Variants in CCNYL1 observed in about 807,000 individuals in gnomAD.
CCNYL1 encodes cyclin-Y-like protein 1.
In CCNYL1, 16 loss-of-function variants were observed where a neutral mutation model predicts 44.2. The ratio of observed to expected loss-of-function variants is 0.36; its 90% CI spans 0.25 to 0.55. The LOEUF is 0.55. Ranked by LOEUF, CCNYL1 falls within the 20% of genes least tolerant of loss-of-function variation. The pLI, the probability that CCNYL1 is intolerant of heterozygous loss-of-function variation, is 0.85. For missense variants in CCNYL1, 348 were observed against 451.8 expected (o/e 0.77, Z 2.08); for synonymous variants, 159 against 163.2 (o/e 0.97, Z 0.20).
At chr2:207,739,881 T>C (rs1362087330) in intron 5 of CCNYL1, among the ~76,000 whole-genome samples, 2 of 152,262 alleles carry the variant, frequency 1.3e-5, no homozygotes, top group African/African-American at 4.8e-5. Flanking sequence ...TGCCCACTTT[T>C]GCTGTTATAC....
chr2:207,715,379 C>CTTTTTTTTTTTTTTTTTTTT (rs770646092), intron 1 of CCNYL1, among the ~76,000 whole-genome samples: 2 of 100,750 alleles, frequency 2.0e-5, no homozygotes, highest in Non-Finnish European at 3.7e-5. Flanking sequence ...CAAGCTATTT[C>CTTTTTTTTTTTTTTTTTTTT]TTTTTTTTTT....
chr2:207,737,735 G>A (rs758503833), intron 5 of CCNYL1, among the ~76,000 whole-genome samples: 2 of 151,950 alleles, frequency 1.3e-5, no homozygotes, highest in African/African-American at 2.4e-5. Flanking sequence ...TCTCAACGTT[G>A]GCACTGTTGA....
chr2:207,718,088 T>C (rs4372887), intron 1 of CCNYL1, among the ~76,000 whole-genome samples: 23,529 of 151,686 alleles, frequency 0.16, 3,025 homozygotes, highest in East Asian at 0.39. Context: ...GTATTTTTAA[T>C]AGAGATGGGG....
chr2:207,715,073 G>A (rs1023443821), intron 1 of CCNYL1, among the ~76,000 whole-genome samples: 2 of 152,056 alleles, frequency 1.3e-5, no homozygotes, highest in African/African-American at 4.8e-5. Context: ...TTCGAGAGCA[G>A]CCTGGCCAAC....
intron 7 of CCNYL1, among the ~76,000 whole-genome samples, chr2:207,743,190 C>G (rs546599482): frequency 1.3e-5 from 2 of 152,300 alleles, no homozygotes; most frequent in African/African-American, 4.8e-5. Flanking sequence ...TTTCATGGAG[C>G]TGTAAGCCAT....
intron 9 of CCNYL1, 32 bp from the exon 10 acceptor site, chr2:207,753,556 G>A: frequency 6.9e-7 from 1 of 1,442,146 alleles, no homozygotes; most frequent in East Asian, 2.3e-5. Context: ...TTTTAAAATT[G>A]TACCTGTTTT....
intron 7 of CCNYL1, among the ~76,000 whole-genome samples, chr2:207,745,761 C>G (rs1197044607): frequency 6.6e-6 from 1 of 152,066 alleles, no homozygotes; most frequent in Admixed American, 6.6e-5. Context: ...CCAGCCTGGC[C>G]AACATGGTGA....
chr2:207,737,299 AG>A, intron 4 of CCNYL1, 111 bp from the exon 5 acceptor site: 1 of 777,514 alleles, frequency 1.3e-6, no homozygotes, highest in Non-Finnish European at 2.2e-6. Context: ...TCTGAACTAG[AG>A]GATTTCAGGG....
chr2:207,717,444 A>G (rs997225963), intron 1 of CCNYL1, among the ~76,000 whole-genome samples: 5 of 152,214 alleles, frequency 3.3e-5, no homozygotes, highest in Admixed American at 6.5e-5. Context: ...GGTATACAAG[A>G]CAGAACCTCA....
intron 4 of CCNYL1, among the ~76,000 whole-genome samples, chr2:207,736,478 G>A (rs1357443473): frequency 1.3e-5 from 2 of 152,180 alleles, no homozygotes; most frequent in Admixed American, 6.5e-5. Context: ...TTAAACCAAT[G>A]TGGAAATACT....
At chr2:207,713,684 TA>T (rs1317885143) in intron 1 of CCNYL1, among the ~76,000 whole-genome samples, 1 of 152,250 alleles carries the variant, frequency 6.6e-6, no homozygotes, top group Non-Finnish European at 1.5e-5. Flanking sequence ...CTCTTATATT[TA>T]AACTTTGCTT....
At chr2:207,744,974 C>G (rs2091843871) in intron 7 of CCNYL1, among the ~76,000 whole-genome samples, 1 of 152,086 alleles carries the variant, frequency 6.6e-6, no homozygotes, top group African/African-American at 2.4e-5. Flanking sequence ...TGGAAATGCC[C>G]TGTACAATAT....
Position 207,747,142 on chromosome 2 carries a change from G to A in CCNYL1, c.735G>A (p.Lys245=), listed in dbSNP as rs2091860328. Residue 245 remains lysine, a synonymous_variant, in exon 8 of 10, where the codon AAG becomes AAA. Transcript: ENST00000295414. ...IVLGAILLAS[K]VWDDQAVWNV... is the part of the protein sequence containing the mutation. ...TGGGAGCCATTCTTCTTGCCTCCAA[G>A]GTTTGGGACGATCAGGCTGTATGGA... The A allele has an allele frequency of 6.2e-7, 1 of 1,614,160 alleles. No homozygotes were observed. The highest frequency in any genetic ancestry group is 2.2e-5 in the East Asian group (1 of 44,880).
chr2:207,740,542 GAAGCAAA>G, intron 5 of CCNYL1, 106 bp from the exon 6 acceptor site: 1 of 717,204 alleles, frequency 1.4e-6, no homozygotes, highest in Non-Finnish European at 2.5e-6. Flanking sequence ...TTGCTTTGGT[GAAGCAAA>G]CACCAAAGCA....
At position 207,734,055 on chromosome 2, in the gene CCNYL1, C is replaced by T. The variant is rs1193149171; in HGVS notation, c.431+8C>T. The T allele has an allele frequency of 1.3e-6, 2 of 1,580,224 alleles. No homozygotes were observed. Among genetic ancestry groups the T allele is most frequent in the Admixed American group, 1.7e-5 (1 of 59,794 alleles). On this transcript the variant is annotated splice_region_variant and intron_variant, in intron 4 of 9. Coordinates refer to ENST00000295414, the MANE Select transcript of CCNYL1 (RefSeq NM_001330218.2). ...TAGAACCACAGTAAAATGGTGAGTA[C>T]AACTAGGCTGCCAAGGGCTGAGTGA...
chr2:207,755,439 T>C lies in CCNYL1; in HGVS notation c.*1741T>C, dbSNP rs185764562. The C allele has an allele frequency of 6.6e-6, 1 of 152,352 alleles. No homozygotes were observed. Among genetic ancestry groups the C allele is most frequent in the East Asian group, 1.9e-4 (1 of 5,188 alleles). 9.4% of individuals were successfully genotyped at this position (152,352 alleles called of 1,614,324 possible). On this transcript the variant is annotated 3_prime_UTR_variant, in exon 10 of 10. Coordinates refer to ENST00000295414, the MANE Select transcript of CCNYL1 (RefSeq NM_001330218.2). ...TTTGTAAAGGTTTGTAGCATTTATA[T>C]TTCTACAAGTATCAAAGCTTAAAAT...
chr2:207,729,236 C>G (rs2091703065), intron 3 of CCNYL1, among the ~76,000 whole-genome samples: 1 of 139,398 alleles, frequency 7.2e-6, no homozygotes, highest in African/African-American at 2.9e-5. Flanking sequence ...CTGCATTGAT[C>G]TTTACTTGTC....
chr2:207,752,802 C>T (rs1040264610), intron 9 of CCNYL1, among the ~76,000 whole-genome samples: 3 of 144,612 alleles, frequency 2.1e-5, no homozygotes, highest in Non-Finnish European at 3.0e-5. Flanking sequence ...TTTGGGAGGC[C>T]GAGGCAGGCG....
At chr2:207,722,566 C>T (rs1367403898) in intron 1 of CCNYL1, among the ~76,000 whole-genome samples, 2 of 152,064 alleles carry the variant, frequency 1.3e-5, no homozygotes, top group South Asian at 2.1e-4. Flanking sequence ...GGTACTGATT[C>T]ATAATATGGC....
Sources: gnomAD v4.1 joint callset for allele counts (sites outside exome capture counted in the v4.1 genomes callset) on GRCh38, gnomAD v4.1.1 for gene constraint, MANE v1.5 for transcripts, NCBI Gene and HGNC (gene_info 2026-07-23, HGNC 2026-07-21) for gene names.